Variants in CFDP1 observed in about 807,000 individuals in gnomAD.
The protein encoded by CFDP1 is chromatin remodeling protein CFDP1, also known as heterochromatin-stabilizing protein CFDP1.
In CFDP1, 31 loss-of-function variants were observed where a neutral mutation model predicts 40.1. The observed-to-expected ratio is 0.77, with a 90% CI of 0.58 to 1.04. The LOEUF is 1.04. Ranked by LOEUF, CFDP1 falls within the 50% of genes least tolerant of loss-of-function variation. The pLI, the probability that CFDP1 is intolerant of heterozygous loss-of-function variation, is 0.00. For synonymous variants in CFDP1, 167 were observed against 120.0 expected, an observed-to-expected ratio of 1.39 and a Z score of -2.56; for missense variants, 423 against 343.4, an observed-to-expected ratio of 1.23 and a Z score of -1.83.
rs761203095 is a variant in CFDP1 at position 75,433,385 on chromosome 16, A to G, written c.-33T>C. 6.4e-7 allele frequency: 1 copy of G among 1,565,296 alleles called. No individual in the cohort carries two copies. Among genetic ancestry groups the G allele is most frequent in the Non-Finnish European group, 8.7e-7 (1 of 1,154,764 alleles). Reference sequence around the variant, plus strand: ...CCGCTCGACGCTGGTCAAACTCACAAGACCGCAGCAGCCGCCTCCAACGGC... The same window carrying G: ...CCGCTCGACGCTGGTCAAACTCACAGGACCGCAGCAGCCGCCTCCAACGGC... On this transcript the variant is annotated 5_prime_UTR_variant, in exon 1 of 7. Transcript: ENST00000283882.
Position 75,350,177 on chromosome 16 carries a change from T to C in CFDP1, c.650+44913A>G, listed in dbSNP as rs192156747. Among the ~76,000 whole-genome samples, 443 of 152,328 alleles carry C rather than the reference T, an allele frequency of 2.9e-3. 3 individuals are homozygous for C. The highest frequency in any genetic ancestry group is 0.01 in the African/African-American group (431 of 41,578). ...AAAGTCATTTGAGTACCTCTACTTT[T>C]TGGATGAATAATGCTGCTATGAACA... is the stretch of plus-strand genomic sequence containing the variant. On this transcript the variant is annotated intron_variant, in intron 5 of 6. Coordinates refer to ENST00000283882, the MANE Select transcript of CFDP1 (RefSeq NM_006324.3).
At chr16:75,374,607 C>G (rs565558163) in intron 5 of CFDP1, among the ~76,000 whole-genome samples, 2 of 151,366 alleles carry the variant, frequency 1.3e-5, no homozygotes, top group Non-Finnish European at 2.9e-5. Context: ...AGTTGATCCC[C>G]GGAGTTTGAG....
chr16:75,376,661 A>G (rs2078800521), intron 5 of CFDP1, among the ~76,000 whole-genome samples: 1 of 152,190 alleles, frequency 6.6e-6, no homozygotes, highest in African/African-American at 2.4e-5. Context: ...TATCTTGGAT[A>G]GTGGCTATGA....
At chr16:75,373,971 G>A (rs918665218) in intron 5 of CFDP1, among the ~76,000 whole-genome samples, 4 of 152,158 alleles carry the variant, frequency 2.6e-5, no homozygotes, top group African/African-American at 9.7e-5. Context: ...TTATAGAACT[G>A]GCCAGGCACG....
At chr16:75,404,121 G>A (rs1300185277) in intron 4 of CFDP1, among the ~76,000 whole-genome samples, 1 of 151,492 alleles carries the variant, frequency 6.6e-6, no homozygotes. Flanking sequence ...AACAGAGTAA[G>A]ACCGTGTCTC....
intron 5 of CFDP1, among the ~76,000 whole-genome samples, chr16:75,332,741 A>G (rs942438784): frequency 2.0e-5 from 3 of 150,598 alleles, no homozygotes; most frequent in Non-Finnish European, 4.4e-5. Context: ...ATATAAAAAC[A>G]TATTTCAGAT....
intron 5 of CFDP1, among the ~76,000 whole-genome samples, chr16:75,371,921 AAATAGGG>A (rs1311392904): frequency 4.6e-5 from 7 of 152,188 alleles, no homozygotes; most frequent in Non-Finnish European, 8.8e-5. Context: ...TTGTTATTTA[AAATAGGG>A]AAAAGGGAAA....
intron 4 of CFDP1, among the ~76,000 whole-genome samples, chr16:75,396,849 TA>T: frequency 6.6e-6 from 1 of 152,200 alleles, no homozygotes; most frequent in East Asian, 1.9e-4. Flanking sequence ...AAATGCAGTC[TA>T]TTATGGCCGG....
intron 5 of CFDP1, among the ~76,000 whole-genome samples, chr16:75,332,403 T>A (rs563035498): frequency 1.5e-4 from 23 of 151,994 alleles, no homozygotes; most frequent in Non-Finnish European, 2.8e-4. Context: ...AGGTGGAAGT[T>A]GCAGTGAGCA....
rs2079451813 is a variant in CFDP1, at chr16:75,433,431, T to G, written c.-79A>C. On this transcript the variant is annotated 5_prime_UTR_variant, in exon 1 of 7. It removes an upstream start codon present in the reference 5' UTR. Transcript: ENST00000283882. Reference sequence around the variant, plus strand: ...ACGGCAAAGCTCTAGGGAGAGACCATAGAGCCCCGGCGGCGGCGACGGCAG... The same window carrying G: ...ACGGCAAAGCTCTAGGGAGAGACCAGAGAGCCCCGGCGGCGGCGACGGCAG... The G allele has an allele frequency of 2.8e-6, 4 of 1,432,192 alleles. No homozygotes were observed. Among genetic ancestry groups the G allele is most frequent in the Non-Finnish European group, 3.8e-6 (4 of 1,049,408 alleles). 88.7% of individuals were successfully genotyped at this position (1,432,192 alleles called of 1,614,324 possible). A position where few individuals can be genotyped will look rare whatever the true frequency, so the allele number is the denominator to read the frequency against.
At chr16:75,363,082 T>A (rs1420845590) in intron 5 of CFDP1, 1 of 152,156 alleles carries the variant, frequency 6.6e-6, no homozygotes, top group Non-Finnish European at 1.5e-5. Flanking sequence ...TTGGCCAACT[T>A]CATTCAGACA....
intron 5 of CFDP1, among the ~76,000 whole-genome samples, chr16:75,337,725 T>C (rs1354889330): frequency 6.6e-6 from 1 of 151,964 alleles, no homozygotes; most frequent in Non-Finnish European, 1.5e-5. Context: ...CCAAATCTCA[T>C]GAGAACTCAC....
At chr16:75,362,668 A>G (rs2078687617) in intron 5 of CFDP1, among the ~76,000 whole-genome samples, 1 of 152,166 alleles carries the variant, frequency 6.6e-6, no homozygotes, top group African/African-American at 2.4e-5. Context: ...CAGGTGTTAT[A>G]AAAGCAAGCC....
At chr16:75,358,081 T>C (rs752749348) in intron 5 of CFDP1, among the ~76,000 whole-genome samples, 2 of 152,216 alleles carry the variant, frequency 1.3e-5, no homozygotes, top group Non-Finnish European at 2.9e-5. Flanking sequence ...GTGTGGCTCA[T>C]GGTGCTCCAA....
chr16:75,431,669 A>T (rs1459790460), intron 1 of CFDP1, among the ~76,000 whole-genome samples: 1 of 151,940 alleles, frequency 6.6e-6, no homozygotes, highest in East Asian at 1.9e-4. Context: ...ATACTGATCT[A>T]ACTAAAACTG....
chr16:75,357,172 C>G (rs2078650366), intron 5 of CFDP1, among the ~76,000 whole-genome samples: 1 of 152,086 alleles, frequency 6.6e-6, no homozygotes, highest in African/African-American at 2.4e-5. Flanking sequence ...CTTGGCCTCC[C>G]AAAGTGCTGG....
In CFDP1 at chr16:75,427,925, T is replaced by C. The variant is rs143031227; in HGVS notation, c.64+5364A>G. Among the ~76,000 whole-genome samples, 408 of 152,368 alleles carry C rather than the reference T, an allele frequency of 2.7e-3. 3 individuals are homozygous for C. The highest frequency in any genetic ancestry group is 8.9e-3 in the African/African-American group (371 of 41,588). On this transcript the variant is annotated intron_variant, in intron 1 of 6. Coordinates refer to ENST00000283882, the MANE Select transcript of CFDP1 (RefSeq NM_006324.3). ...CAACAGAAGGAGCTAATTACTGACA[T>C]GTGCAACAACACAGGTGAATCTCAA...
intron 4 of CFDP1, among the ~76,000 whole-genome samples, chr16:75,408,736 C>T (rs183512149): frequency 1.1e-3 from 174 of 151,986 alleles, no homozygotes; most frequent in African/African-American, 4.0e-3. Flanking sequence ...GATCATGCCA[C>T]TGTACTCTAG....
At chr16:75,363,545 G>A (rs528569259) in intron 5 of CFDP1, among the ~76,000 whole-genome samples, 65 of 152,016 alleles carry the variant, frequency 4.3e-4, no homozygotes, top group African/African-American at 1.5e-3. Flanking sequence ...ATAGGTGCCC[G>A]CCATCACACC....
Sources: allele counts gnomAD v4.1 joint callset (sites outside exome capture counted in the v4.1 genomes callset), GRCh38; gene constraint gnomAD v4.1.1; transcripts MANE v1.5; gene names NCBI Gene and HGNC (gene_info 2026-07-23, HGNC 2026-07-21).